TNIK: variants seen among roughly 807,000 people sequenced by gnomAD.
TNIK encodes the protein TRAF2 and NCK interacting kinase.
TNIK carries 49 observed loss-of-function variants against 191.3 expected under a neutral mutation model. The ratio of observed to expected loss-of-function variants is 0.26; its 90% CI spans 0.20 to 0.32. The LOEUF is 0.32. Among genes scored for constraint, TNIK ranks in the 10% least tolerant of loss-of-function variants. The probability of loss-of-function intolerance (pLI) is 1.00; values close to 1 mark genes in which losing one functional copy is unlikely to be tolerated. For synonymous variants in TNIK, 594 were observed against 600.9 expected (o/e 0.99, Z 0.17); for missense variants, 1,155 against 1,702.3 (o/e 0.68, Z 5.66).
chr3:171,150,381 C>T (rs114371426), intron 12 of TNIK, among the ~76,000 whole-genome samples: 2,611 of 152,264 alleles, frequency 0.017, 41 homozygotes, highest in African/African-American at 0.049. Flanking sequence ...GAGATTCAAA[C>T]CCAGGCAGTG....
At chr3:171,130,169 A>G (rs1729041886) in intron 15 of TNIK, among the ~76,000 whole-genome samples, 2 of 152,240 alleles carry the variant, frequency 1.3e-5, no homozygotes, top group African/African-American at 4.8e-5. Context: ...AACTTGAAAG[A>G]GCTATTTTCC....
At position 171,059,221 on chromosome 3, in the gene TNIK, G is replaced by C. The variant is rs1431454401; in HGVS notation, c.*4660C>G. Among the ~76,000 whole-genome samples, 1 of 152,158 alleles carries C rather than the reference G, an allele frequency of 6.6e-6. No homozygotes were observed. Among genetic ancestry groups the C allele is most frequent in the East Asian group, 1.9e-4 (1 of 5,200 alleles). On this transcript the variant is annotated 3_prime_UTR_variant, in exon 33 of 33. Transcript: ENST00000436636. The stretch of plus-strand genomic sequence containing the variant: ...CTTTAGGACATTTTTATTTTTAACT[G>C]TATTTTCTACTTTTCATCCAAACAT...
intron 30 of TNIK, among the ~76,000 whole-genome samples, chr3:171,067,804 C>T (rs1186578962): frequency 6.6e-6 from 1 of 151,464 alleles, no homozygotes; most frequent in African/African-American, 2.4e-5. Flanking sequence ...ACAGATTGGA[C>T]TAAGAGAGTT....
chr3:171,107,414 C>T (rs1419541171), intron 20 of TNIK, among the ~76,000 whole-genome samples: 1 of 151,950 alleles, frequency 6.6e-6, no homozygotes, highest in Non-Finnish European at 1.5e-5. Flanking sequence ...AAAGAGTAAA[C>T]CAAAAAGCTT....
chr3:171,413,877 T>C (rs80009212), intron 1 of TNIK, among the ~76,000 whole-genome samples: 1,575 of 152,340 alleles, frequency 0.01, 34 homozygotes, highest in African/African-American at 0.036. Context: ...TCCTTCTCTG[T>C]CAAATGGGAT....
At chr3:171,258,322 G>C (rs931245591) in intron 2 of TNIK, among the ~76,000 whole-genome samples, 2 of 152,126 alleles carry the variant, frequency 1.3e-5, no homozygotes, top group African/African-American at 4.8e-5. Flanking sequence ...GCATCAATAA[G>C]TAAGAAATCT....
At chr3:171,364,191 A>G (rs1420124280) in intron 2 of TNIK, among the ~76,000 whole-genome samples, 3 of 152,166 alleles carry the variant, frequency 2.0e-5, no homozygotes, top group African/African-American at 7.2e-5. Flanking sequence ...GGAAATCTAC[A>G]TTTTAAATCC....
chr3:171,279,977 T>C (rs1375411962), intron 2 of TNIK, among the ~76,000 whole-genome samples: 1 of 152,200 alleles, frequency 6.6e-6, no homozygotes, highest in Non-Finnish European at 1.5e-5. Flanking sequence ...AAAAGATCCA[T>C]CCACTCCTGC....
At chr3:171,350,051 A>C (rs1055818352) in intron 2 of TNIK, among the ~76,000 whole-genome samples, 1 of 150,084 alleles carries the variant, frequency 6.7e-6, no homozygotes, top group African/African-American at 2.4e-5. Flanking sequence ...TACAGAACAA[A>C]CAAGACATAA....
chr3:171,364,677 A>G (rs1486429089), intron 2 of TNIK, among the ~76,000 whole-genome samples: 1 of 152,204 alleles, frequency 6.6e-6, no homozygotes, highest in Non-Finnish European at 1.5e-5. Flanking sequence ...GAGTGGCAAT[A>G]CCATAAAAAC....
rs754080284 is a variant in TNIK at position 171,211,113 on chromosome 3, T to C, written c.306+3A>G. The C allele has an allele frequency of 1.9e-6, 3 of 1,612,044 alleles. No individual in the cohort carries two copies. The highest frequency in any genetic ancestry group is 1.7e-5 in the Admixed American group (1 of 59,636). On this transcript the variant is annotated splice_donor_region_variant and intron_variant, in intron 4 of 32. Coordinates refer to ENST00000436636, the MANE Select transcript of TNIK (RefSeq NM_015028.4). Reference sequence around the variant, plus strand: ...TAAAGCAAATTTGGACGGCAGTACATACCCAAAGTTGGTCATCCATGCCTG... The same window carrying C: ...TAAAGCAAATTTGGACGGCAGTACACACCCAAAGTTGGTCATCCATGCCTG...
intron 1 of TNIK, among the ~76,000 whole-genome samples, chr3:171,427,159 A>G (rs1295395164): frequency 6.6e-6 from 1 of 152,164 alleles, no homozygotes; most frequent in Non-Finnish European, 1.5e-5. Context: ...CTATATCTTC[A>G]TCAGACTGCC....
At chr3:171,252,891 A>C (rs529050430) in intron 2 of TNIK, among the ~76,000 whole-genome samples, 16 of 152,242 alleles carry the variant, frequency 1.1e-4, no homozygotes, top group African/African-American at 3.6e-4. Context: ...CACTTCAGAA[A>C]ATTTAAATGG....
chr3:171,347,297 C>A, intron 2 of TNIK: 1 of 1,438,494 alleles, frequency 7.0e-7, no homozygotes, highest in South Asian at 1.3e-5. Context: ...ACTCTCTTCT[C>A]TTTGACAGCC....
At chr3:171,425,562 A>T (rs1214501950) in intron 1 of TNIK, among the ~76,000 whole-genome samples, 1 of 152,174 alleles carries the variant, frequency 6.6e-6, no homozygotes, top group Non-Finnish European at 1.5e-5. Flanking sequence ...ATGGTGGCTC[A>T]CGCCTGTAAT....
chr3:171,162,771 A>G (rs1281876522), intron 10 of TNIK, among the ~76,000 whole-genome samples: 1 of 152,368 alleles, frequency 6.6e-6, no homozygotes, highest in East Asian at 1.9e-4. Flanking sequence ...GTTAAGTAAT[A>G]TAACCAATGT....
chr3:171,324,766 G>T (rs1755551377), intron 2 of TNIK, among the ~76,000 whole-genome samples: 1 of 152,136 alleles, frequency 6.6e-6, no homozygotes, highest in African/African-American at 2.4e-5. Context: ...CAAAAGGAAA[G>T]ATTTACGTAG....
At chr3:171,431,703 T>A (rs547068760) in intron 1 of TNIK, among the ~76,000 whole-genome samples, 46 of 152,180 alleles carry the variant, frequency 3.0e-4, no homozygotes, top group Non-Finnish European at 6.0e-4. Context: ...CCCTATGAAA[T>A]TGGTAAAATC....
intron 32 of TNIK, among the ~76,000 whole-genome samples, chr3:171,065,023 C>T (rs1005610097): frequency 6.6e-6 from 1 of 152,214 alleles, no homozygotes; most frequent in Non-Finnish European, 1.5e-5. Context: ...CTGCTCTTCC[C>T]TCCAAGTTGT....
Sources: allele counts gnomAD v4.1 joint callset (sites outside exome capture counted in the v4.1 genomes callset), GRCh38; gene constraint gnomAD v4.1.1; transcripts MANE v1.5; gene names NCBI Gene and HGNC (gene_info 2026-07-23, HGNC 2026-07-21).